The following CEMIP variants were observed in gnomAD, a reference collection of about 807,000 sequenced individuals.
CEMIP encodes cell migration inducing hyaluronidase 1.
A neutral mutation model predicts 156.9 loss-of-function variants in CEMIP; 105 were observed. The observed-to-expected ratio is 0.67, with a 90% CI of 0.57 to 0.79. The LOEUF is 0.79. Ranked by LOEUF, CEMIP falls within the 30% of genes least tolerant of loss-of-function variation. The pLI, the probability that CEMIP is intolerant of heterozygous loss-of-function variation, is 0.00. For synonymous variants in CEMIP, 676 were observed against 668.4 expected, an observed-to-expected ratio of 1.01 and a Z score of -0.17; for missense variants, 1,457 against 1,769.4, an observed-to-expected ratio of 0.82 and a Z score of 3.17.
At chr15:80,814,043 CT>C (rs778309859) in intron 1 of CEMIP, among the ~76,000 whole-genome samples, 14,106 of 73,172 alleles carry the variant, frequency 0.19, 157 homozygotes, top group South Asian at 0.24. Flanking sequence ...AACTCTTTGG[CT>C]TTTTTTTTTT....
rs7163915 is a variant in CEMIP, at chr15:80,951,394, C to T, written c.*2470C>T. ...CTTGGTAGCACAAATTTTCTTATTG[C>T]TTAGAAAATTGTCCTCCTTGTTATT... On this transcript the variant is annotated 3_prime_UTR_variant, in exon 30 of 30. Transcript: ENST00000394685. 0.029 allele frequency: 4,413 copies of T among 152,674 alleles called. 84 individuals carry two copies. The highest frequency in any genetic ancestry group is 0.1 in the Middle Eastern group (30 of 294). The allele number at this position is 152,674 out of a possible 1,614,324, so 9.5% of individuals were successfully genotyped here.
chr15:80,887,552 A>G, intron 7 of CEMIP, 142 bp from the exon 8 acceptor site: 4 of 701,842 alleles, frequency 5.7e-6, no homozygotes, highest in Non-Finnish European at 7.7e-6. Context: ...GAAGCCCAGC[A>G]AGTGAATGAA....
chr15:80,948,224 C>G (rs184543069), intron 29 of CEMIP: 1 of 177,082 alleles, frequency 5.6e-6, no homozygotes, highest in African/African-American at 2.4e-5. Flanking sequence ...TCCCATGCCC[C>G]TCGGATGCTC....
intron 1 of CEMIP, among the ~76,000 whole-genome samples, chr15:80,823,882 C>G (rs902942101): frequency 6.6e-6 from 1 of 152,168 alleles, no homozygotes; most frequent in African/African-American, 2.4e-5. Context: ...ATTCTCTCAT[C>G]CACCTGTAAA....
intron 13 of CEMIP, among the ~76,000 whole-genome samples, chr15:80,907,989 T>C (rs980020729): frequency 3.3e-5 from 5 of 152,240 alleles, no homozygotes; most frequent in Non-Finnish European, 5.9e-5. Context: ...TGGCATTTTA[T>C]GTGAGATGAC....
intron 1 of CEMIP, among the ~76,000 whole-genome samples, chr15:80,836,592 T>C (rs900849706): frequency 3.0e-5 from 4 of 135,170 alleles, no homozygotes; most frequent in Non-Finnish European, 6.7e-5. Flanking sequence ...TCCAATCCTA[T>C]GAGTTCTTTT....
At chr15:80,786,990 G>A (rs1169333865) in intron 1 of CEMIP, among the ~76,000 whole-genome samples, 1 of 152,144 alleles carries the variant, frequency 6.6e-6, no homozygotes, top group Non-Finnish European at 1.5e-5. Flanking sequence ...TTGAAGGTGG[G>A]GCTTGAAAAG....
rs1278285563 is a variant in CEMIP at position 80,879,648 on chromosome 15, C to T, written c.242-68C>T. 10 of 1,600,464 alleles carry T rather than the reference C, an allele frequency of 6.2e-6. No individual in the cohort carries two copies. The African/African-American group carries it at 9.4e-5, about 15-fold the overall frequency. ...ATGGGGAGTGCTTAGGGAGTCTGCCCTTGGCTCTGATATAACCTTACCCTT... is the reference window on the plus strand; with the variant it reads ...ATGGGGAGTGCTTAGGGAGTCTGCCTTTGGCTCTGATATAACCTTACCCTT... On this transcript the variant is annotated intron_variant, in intron 4 of 29. Coordinates refer to ENST00000394685, the MANE Select transcript of CEMIP (RefSeq NM_001293298.2).
At chr15:80,807,874 C>T (rs968246524) in intron 1 of CEMIP, among the ~76,000 whole-genome samples, 3 of 152,160 alleles carry the variant, frequency 2.0e-5, no homozygotes, top group Non-Finnish European at 4.4e-5. Flanking sequence ...TGTTCGTAGG[C>T]ACCTGTGTGC....
intron 14 of CEMIP, 83 bp from the exon 15 acceptor site, chr15:80,920,011 A>T: frequency 1.6e-6 from 2 of 1,239,614 alleles, no homozygotes; most frequent in Non-Finnish European, 2.4e-6. Flanking sequence ...AGCACATGAG[A>T]CTATTTAGTG....
intron 1 of CEMIP, among the ~76,000 whole-genome samples, chr15:80,805,075 A>T (rs560583540): frequency 6.6e-6 from 1 of 152,056 alleles, no homozygotes; most frequent in South Asian, 2.1e-4. Flanking sequence ...CTGTATCAAC[A>T]CCTATCCTCC....
intron 14 of CEMIP, among the ~76,000 whole-genome samples, chr15:80,911,423 AT>A (rs1368877686): frequency 6.6e-6 from 1 of 152,238 alleles, no homozygotes; most frequent in African/African-American, 2.4e-5. Flanking sequence ...ATTCACCTAC[AT>A]TTAACTTTAC....
chr15:80,852,704 T>C (rs1897743708), intron 1 of CEMIP, among the ~76,000 whole-genome samples: 1 of 152,154 alleles, frequency 6.6e-6, no homozygotes, highest in East Asian at 1.9e-4. Flanking sequence ...CCCCCTCCCT[T>C]TTCCTCTTTT....
At chr15:80,895,218 G>A in intron 11 of CEMIP, 96 bp downstream of exon 11, 17 of 1,548,752 alleles carry the variant, frequency 1.1e-5, no homozygotes, top group Non-Finnish European at 1.5e-5. Flanking sequence ...CAGTGAGACA[G>A]TGCTCCCAAA....
At chr15:80,814,003 C>A (rs1459992012) in intron 1 of CEMIP, among the ~76,000 whole-genome samples, 1 of 150,696 alleles carries the variant, frequency 6.6e-6, no homozygotes, top group African/African-American at 2.4e-5. Context: ...GCTGAGACAC[C>A]CTCTCCCATC....
intron 1 of CEMIP, among the ~76,000 whole-genome samples, chr15:80,859,538 A>G (rs1897934120): frequency 1.3e-5 from 2 of 152,198 alleles, no homozygotes; most frequent in African/African-American, 2.4e-5. Context: ...TTGCCCCACA[A>G]GGCCCTTGTT....
intron 12 of CEMIP, among the ~76,000 whole-genome samples, chr15:80,900,448 GC>G (rs1338618299): frequency 6.6e-6 from 1 of 152,070 alleles, no homozygotes; most frequent in African/African-American, 2.4e-5. Context: ...TTCCGCGTTA[GC>G]CCCACCCCAG....
intron 1 of CEMIP, among the ~76,000 whole-genome samples, chr15:80,846,272 C>T (rs1281243992): frequency 1.3e-5 from 2 of 152,194 alleles, no homozygotes; most frequent in African/African-American, 4.8e-5. Flanking sequence ...TGCATTGACT[C>T]ATTCACTTAT....
chr15:80,862,547 C>T (rs899780533), intron 1 of CEMIP, among the ~76,000 whole-genome samples: 2 of 152,198 alleles, frequency 1.3e-5, no homozygotes, highest in Non-Finnish European at 1.5e-5. Flanking sequence ...AGCCAGGTCA[C>T]CTGGCTGTGG....
Sources: gnomAD v4.1 joint callset for allele counts (sites outside exome capture counted in the v4.1 genomes callset) on GRCh38, gnomAD v4.1.1 for gene constraint, MANE v1.5 for transcripts, NCBI Gene and HGNC (gene_info 2026-07-23, HGNC 2026-07-21) for gene names.